PHRF1: variants seen among roughly 807,000 people sequenced by gnomAD.
The protein encoded by PHRF1 is PHD and ring finger domains 1.
Under a neutral mutation model 128.9 loss-of-function variants are expected in PHRF1, and 53 were observed. The ratio of observed to expected loss-of-function variants is 0.41; its 90% CI spans 0.33 to 0.52. PHRF1 has a LOEUF of 0.52. Ranked by LOEUF, PHRF1 falls within the 20% of genes least tolerant of loss-of-function variation. The probability of loss-of-function intolerance (pLI) is 0.21; values close to 1 mark genes in which losing one functional copy is unlikely to be tolerated. For synonymous variants in PHRF1, 1,178 were observed against 980.6 expected, an observed-to-expected ratio of 1.20 and a Z score of -3.76; for missense variants, 2,503 against 2,284.5, an observed-to-expected ratio of 1.10 and a Z score of -1.95.
Position 582,167 on chromosome 11 carries a change from T to C in PHRF1, c.214+86T>C. Reference sequence around the variant, plus strand: ...TTTTATAACACATCCTCCGTGAGAGTGCTGTCACCACAGCTGGCCATGTCC... The same window carrying C: ...TTTTATAACACATCCTCCGTGAGAGCGCTGTCACCACAGCTGGCCATGTCC... On this transcript the variant is annotated intron_variant, in intron 3 of 17. Coordinates refer to ENST00000264555, the MANE Select transcript of PHRF1 (RefSeq NM_001286581.2). 3 of 1,536,204 alleles carry C rather than the reference T, an allele frequency of 2.0e-6. No individual in the cohort carries two copies. The South Asian group carries it at 3.7e-5, about 19-fold the overall frequency.
intron 1 of PHRF1, among the ~76,000 whole-genome samples, chr11:580,195 C>T (rs907489584): frequency 2.6e-5 from 4 of 152,240 alleles, no homozygotes; most frequent in African/African-American, 9.6e-5. Context: ...CAGGCCTTTC[C>T]TCCGAGAGTC....
chr11:577,571 G>A (rs559362189), intron 1 of PHRF1, among the ~76,000 whole-genome samples: 10 of 152,386 alleles, frequency 6.6e-5, no homozygotes, highest in Non-Finnish European at 1.0e-4. Flanking sequence ...CCTGGCCTTG[G>A]CCCTCAGCAG....
At position 610,971 on chromosome 11, in the gene PHRF1, C is replaced by T. The variant is rs1279352307; in HGVS notation, c.4695C>T (p.His1565=). ...TKKEEYMKKL[H]MQERAVEEVK... is the part of the protein sequence containing the mutation. ...CCCTCTAGTACATGAAGAAGCTGCACATGCAGGAGCGTGCTGTGGAGGAGG... is the reference window on the plus strand; with the variant it reads ...CCCTCTAGTACATGAAGAAGCTGCATATGCAGGAGCGTGCTGTGGAGGAGG... The change falls in exon 17 of 18, where the codon CAC becomes CAT. Residue 1565 remains histidine, a synonymous_variant. Coordinates refer to ENST00000264555, the MANE Select transcript of PHRF1 (RefSeq NM_001286581.2). The T allele has an allele frequency of 3.7e-6, 6 of 1,613,212 alleles. No individual in the cohort carries two copies. Among genetic ancestry groups the T allele is most frequent in the South Asian group, 1.1e-5 (1 of 91,068 alleles).
chr11:603,201 A>G (rs1855741807), intron 10 of PHRF1, among the ~76,000 whole-genome samples: 1 of 151,242 alleles, frequency 6.6e-6, no homozygotes, highest in Non-Finnish European at 1.5e-5. Context: ...GACTACAGGC[A>G]TAGCCCACCG....
chr11:580,173 A>G (rs1054859228), intron 1 of PHRF1, among the ~76,000 whole-genome samples: 1 of 152,008 alleles, frequency 6.6e-6, no homozygotes, highest in Non-Finnish European at 1.5e-5. Context: ...TTCCTGACTC[A>G]CTCTCCTAGG....
rs764274713 is a variant in PHRF1 at position 581,613 on chromosome 11, T to C, written c.94+7T>C. The C allele has an allele frequency of 6.2e-7, 1 of 1,608,728 alleles. No homozygotes were observed. The highest frequency in any genetic ancestry group is 1.7e-4 in the Middle Eastern group (1 of 6,042). On this transcript the variant is annotated splice_region_variant and intron_variant, in intron 2 of 17. Transcript: ENST00000264555. ...GACCCGGCAGGTGACTTTGGTGAGC[T>C]GCCTAGCGCCGGGTAGGGGCGTCCC... is the stretch of plus-strand genomic sequence containing the variant.
At chr11:585,487 C>CCTTTCCAGCTTGAGGTAGTAGCT (rs1854478960) in intron 3 of PHRF1, among the ~76,000 whole-genome samples, 1 of 120,094 alleles carries the variant, frequency 8.3e-6, no homozygotes, top group African/African-American at 3.7e-5. Context: ...AGGTAGTAGC[C>CCTTTCCAGCTTGAGGTAGTAGCT]CTTTCCAGCT....
chr11:603,729 G>GTTTTTTTTTT (rs71022937), intron 10 of PHRF1, among the ~76,000 whole-genome samples: 5 of 78,228 alleles, frequency 6.4e-5, no homozygotes, highest in African/African-American at 1.1e-4. Context: ...ATTTAAGTTT[G>GTTTTTTTTTT]TTTTTTTTTT....
At chr11:593,986 T>G (rs1855136701) in intron 6 of PHRF1, among the ~76,000 whole-genome samples, 1 of 152,168 alleles carries the variant, frequency 6.6e-6, no homozygotes, top group African/African-American at 2.4e-5. Context: ...TTGGTTGCTG[T>G]GAGTCTGAAG....
At chr11:603,246 A>C (rs949824424) in intron 10 of PHRF1, among the ~76,000 whole-genome samples, 4 of 151,780 alleles carry the variant, frequency 2.6e-5, no homozygotes, top group African/African-American at 9.7e-5. Flanking sequence ...CGTAGACACA[A>C]GCGTTCGCCA....
Position 591,409 on chromosome 11 carries a change from G to T in PHRF1, c.446G>T (p.Arg149Leu). 1 of 1,609,464 alleles carries T rather than the reference G, an allele frequency of 6.2e-7. No homozygotes were observed. The highest frequency in any genetic ancestry group is 1.1e-5 in the South Asian group (1 of 90,090). Residue 149 changes from arginine to leucine, a missense_variant, in exon 5 of 18, where the codon CGA (arginine) becomes CTA (leucine). Arg to Leu is a moderately radical substitution (Grantham distance 102). Transcript: ENST00000264555. ...AATGCCAATTCCTGTCCAGTTGATC[G>T]AACTCTATTTAAGTGCATTTGTATT... ...SKNANSCPVD[R>L]TLFKCICIRA...
Position 583,293 on chromosome 11 carries a change from C to T in PHRF1, c.214+1212C>T, listed in dbSNP as rs189966372. Among the ~76,000 whole-genome samples, 679 of 151,636 alleles carry T rather than the reference C, an allele frequency of 4.5e-3. 4 individuals carry two copies. The highest frequency in any genetic ancestry group is 5.8e-3 in the Non-Finnish European group (393 of 67,876). ...GTCGGAGGTTGCAGTGAGCCAAGATCGCCACTGCACTCCAGCCTGGGCAAC... is the reference window on the plus strand; with the variant it reads ...GTCGGAGGTTGCAGTGAGCCAAGATTGCCACTGCACTCCAGCCTGGGCAAC... On this transcript the variant is annotated intron_variant, in intron 3 of 17. Coordinates refer to ENST00000264555, the MANE Select transcript of PHRF1 (RefSeq NM_001286581.2).
At chr11:605,501 A>G in intron 11 of PHRF1, 104 bp from the exon 12 acceptor site, 2 of 1,530,304 alleles carry the variant, frequency 1.3e-6, no homozygotes, top group Non-Finnish European at 1.8e-6. Flanking sequence ...ACGTGCCGCC[A>G]CATGGCCAGT....
intron 10 of PHRF1, 26 bp downstream of exon 10, chr11:601,727 G>T: frequency 3.1e-6 from 5 of 1,613,048 alleles, no homozygotes; most frequent in Non-Finnish European, 4.2e-6. Context: ...CAGGGCCTGA[G>T]TCTCCTGCTG....
intron 1 of PHRF1, among the ~76,000 whole-genome samples, chr11:577,526 G>A (rs1049905652): frequency 6.6e-6 from 1 of 152,254 alleles, no homozygotes; most frequent in Non-Finnish European, 1.5e-5. Context: ...AGTGCTAGTG[G>A]ATGGATGGCA....
chr11:588,867 G>A (rs1854750764), intron 4 of PHRF1, among the ~76,000 whole-genome samples: 2 of 152,146 alleles, frequency 1.3e-5, no homozygotes, highest in Admixed American at 1.3e-4. Context: ...ACCGGGTGCA[G>A]TGGCTCACGC....
At chr11:605,480 G>T (rs993755504) in intron 11 of PHRF1, 125 bp from the exon 12 acceptor site, 10 of 1,498,640 alleles carry the variant, frequency 6.7e-6, no homozygotes, top group Non-Finnish European at 9.0e-6. Context: ...CTGGTTCGGG[G>T]CCCGAATCAC....
rs951978024 is a variant in PHRF1 at position 605,865 on chromosome 11, G to C, written c.1454+141G>C. 8 of 1,344,042 alleles carry C rather than the reference G, an allele frequency of 6.0e-6. No homozygotes were observed. The African/African-American group carries it at 1.2e-4, about 20-fold the overall frequency. 83.3% of individuals were successfully genotyped at this position (1,344,042 alleles called of 1,614,324 possible). A position where few individuals can be genotyped will look rare whatever the true frequency, so the allele number is the denominator to read the frequency against. ...CTCCCCTCAGCTGTCATGCTCATCA[G>C]TCGGCCCTTGGCGTGAGGCAGTGCT... On this transcript the variant is annotated intron_variant, in intron 12 of 17. Coordinates refer to ENST00000264555, the MANE Select transcript of PHRF1 (RefSeq NM_001286581.2).
Position 582,056 on chromosome 11 carries a change from G to C in PHRF1, c.189G>C (p.Glu63Asp). The C allele has an allele frequency of 6.2e-7, 1 of 1,602,172 alleles. No individual in the cohort carries two copies. Among genetic ancestry groups the C allele is most frequent in the South Asian group, 1.1e-5 (1 of 88,598 alleles). ...ACGGAGAAGACGAGGGGGCGTCTGA[G>C]GAGGAAGACCTGGAAGACAGATCTG... is the stretch of plus-strand genomic sequence containing the variant. ...GTDGEDEGAS[E>D]EEDLEDRSGS... Residue 63 changes from glutamate to aspartate, a missense_variant, in exon 3 of 18, where the codon GAG (glutamate) becomes GAC (aspartate). Glu to Asp is a conservative substitution (Grantham distance 45). Coordinates refer to ENST00000264555, the MANE Select transcript of PHRF1 (RefSeq NM_001286581.2).
Sources: gnomAD v4.1 joint callset for allele counts (sites outside exome capture counted in the v4.1 genomes callset) on GRCh38, gnomAD v4.1.1 for gene constraint, MANE v1.5 for transcripts, NCBI Gene and HGNC (gene_info 2026-07-23, HGNC 2026-07-21) for gene names.